MELTF: variants seen among roughly 807,000 people sequenced by gnomAD.
MELTF encodes the protein antigen p97 (melanoma associated) identified by monoclonal antibodies 133.2 and 96.5.
Under a neutral mutation model 83.7 loss-of-function variants are expected in MELTF, and 67 were observed. That is an observed-to-expected ratio of 0.80 (90% CI 0.66 to 0.98). The LOEUF is 0.98. MELTF is among the 50% of genes least tolerant of loss of function. The pLI is 0.00. For missense variants in MELTF, 1,002 were observed against 1,035.6 expected, an observed-to-expected ratio of 0.97 and a Z score of 0.44; for synonymous variants, 462 against 447.6, an observed-to-expected ratio of 1.03 and a Z score of -0.41.
chr3:197,014,827 G>A (rs1310168192), intron 9 of MELTF, among the ~76,000 whole-genome samples: 1 of 152,084 alleles, frequency 6.6e-6, no homozygotes, highest in African/African-American at 2.4e-5. Flanking sequence ...TTGAGATGAT[G>A]GTATGTTAAT....
chr3:197,016,265 G>A lies in MELTF; in HGVS notation c.1005C>T (p.Ile335=), dbSNP rs201502117. The A allele has an allele frequency of 1.9e-6, 3 of 1,613,030 alleles. No individual in the cohort carries two copies. Among genetic ancestry groups the A allele is most frequent in the East Asian group, 2.2e-5 (1 of 44,804 alleles). Residue 335 remains isoleucine (I), a synonymous_variant, in exon 8 of 16, where the codon ATC becomes ATT. Transcript: ENST00000296350. ...FKDSTSELVP[I]ATQTYEAWLG... ...GCCACGCCTCATAGGTCTGTGTGGC[G>A]ATGGGCACAAGCTCCGAGGTAGAGT...
At chr3:197,012,056 G>T (rs1207469599) in intron 9 of MELTF, among the ~76,000 whole-genome samples, 3 of 152,326 alleles carry the variant, frequency 2.0e-5, no homozygotes, top group Admixed American at 6.5e-5. Context: ...TCCGGTGGAG[G>T]TTCCTCTGTC....
chr3:197,021,426 G>C lies in MELTF; in HGVS notation c.690C>G (p.Ser230Arg). ...CACCATCCGTGTTCTCCAGTACCGT[G>C]CTGTGCTTCACAAAAGCCACGTCCC... Reference protein sequence around the residue: ...GAGDVAFVKHSTVLENTDGKT... With the variant: ...GAGDVAFVKHRTVLENTDGKT... Residue 230 changes from serine (S) to arginine (R), a missense_variant, in exon 6 of 16, where the codon AGC becomes AGG. Coordinates refer to ENST00000296350, the MANE Select transcript of MELTF (RefSeq NM_005929.6). The C allele has an allele frequency of 6.2e-7, 1 of 1,614,114 alleles. No homozygotes were observed. Among genetic ancestry groups the C allele is most frequent in the Non-Finnish European group, 8.5e-7 (1 of 1,180,028 alleles).
Position 197,004,035 on chromosome 3 carries a change from C to T in MELTF, c.2003G>A (p.Gly668Asp). 3 of 1,614,170 alleles carry T rather than the reference C, an allele frequency of 1.9e-6. No homozygotes were observed. Among genetic ancestry groups the T allele is most frequent in the East Asian group, 2.2e-5 (1 of 44,880 alleles). ...FKMFDSSNYH[G>D]QDLLFKDATV... ...GGCATCCTTGAAAAGCAGGTCTTGGCCATGATAGTTGGAGGAGTCGAACAT... is the reference window on the plus strand; with the variant it reads ...GGCATCCTTGAAAAGCAGGTCTTGGTCATGATAGTTGGAGGAGTCGAACAT... The change falls in exon 15 of 16, where the codon GGC becomes GAC. Residue 668 changes from glycine (G) to aspartate (D), a missense_variant. Physicochemically the swap from Gly to Asp is moderately conservative, Grantham distance 94. Transcript: ENST00000296350.
In MELTF at chr3:197,008,901, C is replaced by T. The variant is rs375276094; in HGVS notation, c.1590G>A (p.Ser530=). 2.5e-5 allele frequency: 40 copies of T among 1,614,026 alleles called. 1 individual carries two copies. The highest frequency in any genetic ancestry group is 1.3e-4 in the East Asian group (6 of 44,896). The part of the protein sequence containing the change: ...PVNNPKNYPS[S]LCALCVGDEQ... ...CGTCCCCCACGCACAGTGCACACAG[C>T]GAGGAGGGGTAGTTCTTGGGGTTGT... is the stretch of plus-strand genomic sequence containing the variant. The change falls in exon 12 of 16, where the codon TCG becomes TCA. Residue 530 remains serine (S), a synonymous_variant. Transcript: ENST00000296350. This position sits in a 1 kb window ranked among gnomAD's most constrained non-coding sequence, Gnocchi z 5.4.
At position 197,009,760 on chromosome 3, in the gene MELTF, G is replaced by A. The variant is rs150586868; in HGVS notation, c.1383C>T (p.Ser461=). Residue 461 remains serine (S), a synonymous_variant, in exon 11 of 16, where the codon AGC becomes AGT. Coordinates refer to ENST00000296350, the MANE Select transcript of MELTF (RefSeq NM_005929.6). ...GCTCATCCAAGGTGAAGGCGTGGGA[G>A]CTGTCCCGTCTCACCACGGCCACCA... is the stretch of plus-strand genomic sequence containing the variant. ...YYVVAVVRRD[S]SHAFTLDELR... is the part of the protein sequence containing the mutation. The A allele has an allele frequency of 1.0e-4, 161 of 1,613,472 alleles. No individual in the cohort carries two copies. In the African/African-American group the frequency reaches 1.8e-3, roughly 18 times the overall value.
rs991327558 is a variant in MELTF at position 197,029,738 on chromosome 3, T to C, written c.-36A>G. 15 of 1,223,876 alleles carry C rather than the reference T, an allele frequency of 1.2e-5. No homozygotes were observed. In the African/African-American group the frequency reaches 1.6e-4, roughly 13 times the overall value. 75.8% of individuals were successfully genotyped at this position (1,223,876 alleles called of 1,614,324 possible). On this transcript the variant is annotated 5_prime_UTR_variant, in exon 1 of 16. Transcript: ENST00000296350. The surrounding 1 kb of genome is among the most constrained non-coding windows in gnomAD (Gnocchi z 6.5). ...GGGCTGGCTGGGGCCGGGCTGGGGC[T>C]GGGTCCGGGTCCGAGGAGGTCCGCA...
rs113102133 is a variant in MELTF, at chr3:197,009,709, G to A, written c.1434C>T (p.Ala478=). Residue 478 remains alanine, a synonymous_variant, in exon 11 of 16, where the codon GCC becomes GCT. Transcript: ENST00000296350. The part of the protein sequence containing the change: ...DELRGKRSCH[A]GFGSPAGWDV... ...CCCAGCCTGCAGGGCTGCCGAAACC[G>A]GCGTGGCAGGAGCGCTTGCCCCGAA... 2.6e-5 allele frequency: 42 copies of A among 1,613,704 alleles called. No homozygotes were observed. The highest frequency in any genetic ancestry group is 3.3e-4 in the Middle Eastern group (2 of 6,050).
chr3:197,018,935 T>C, intron 6 of MELTF: 4 of 985,162 alleles, frequency 4.1e-6, no homozygotes, highest in Non-Finnish European at 4.8e-6. Flanking sequence ...TTAAGGACTA[T>C]AATTAAACCA....
At chr3:197,027,707 C>G in intron 2 of MELTF, 49 bp downstream of exon 2, 1 of 1,571,046 alleles carries the variant, frequency 6.4e-7, no homozygotes, top group Non-Finnish European at 8.7e-7. Context: ...TGTGCTCCCT[C>G]CTGAGTCACA....
At position 197,029,626 on chromosome 3, in the gene MELTF, G is replaced by A; in HGVS notation, c.49+28C>T. 1 of 1,240,738 alleles carries A rather than the reference G, an allele frequency of 8.1e-7. No individual in the cohort carries two copies. The highest frequency in any genetic ancestry group is 1.0e-6 in the Non-Finnish European group (1 of 992,688). The allele number at this position is 1,240,738 out of a possible 1,614,324, so 76.9% of individuals were successfully genotyped here. On this transcript the variant is annotated intron_variant, in intron 1 of 15. Coordinates refer to ENST00000296350, the MANE Select transcript of MELTF (RefSeq NM_005929.6). The surrounding 1 kb of genome is among the most constrained non-coding windows in gnomAD (Gnocchi z 6.5). Reference sequence around the variant, plus strand: ...CCGCGGCGCCCCGGGACCCCCGCCCGCCTTTGGCTCTCACAGCGGGGCCTC... The same window carrying A: ...CCGCGGCGCCCCGGGACCCCCGCCCACCTTTGGCTCTCACAGCGGGGCCTC...
At chr3:197,023,877 C>T (rs1719733657) in intron 4 of MELTF, 1 of 460,096 alleles carries the variant, frequency 2.2e-6, no homozygotes, top group African/African-American at 2.0e-5. Flanking sequence ...CACTTGGGAG[C>T]TTTCTGGGTG....
rs763081865 is a variant in MELTF, at chr3:197,016,281, G to C, written c.989C>G (p.Ser330Trp). The C allele has an allele frequency of 6.2e-7, 1 of 1,613,284 alleles. No homozygotes were observed. Among genetic ancestry groups the C allele is most frequent in the Non-Finnish European group, 8.5e-7 (1 of 1,179,518 alleles). Residue 330 changes from serine (S) to tryptophan (W), a missense_variant, in exon 8 of 16, where the codon TCG becomes TGG. By Grantham distance (177) the Ser-to-Trp change is radical. Transcript: ENST00000296350. ...CTGTGTGGCGATGGGCACAAGCTCC[G>C]AGGTAGAGTCTTTGAAGAGTAGATC... ...QKDLLFKDSTSELVPIATQTY... is the reference protein window; with the variant it reads ...QKDLLFKDSTWELVPIATQTY...
At chr3:197,019,474 A>C in intron 6 of MELTF, 1 of 1,466,484 alleles carries the variant, frequency 6.8e-7, no homozygotes, top group East Asian at 2.3e-5. Flanking sequence ...TGCCAGGTGC[A>C]CGCCTGTCAT....
At position 197,024,734 on chromosome 3, in the gene MELTF, CT is replaced by C. The variant is rs1406751212; in HGVS notation, c.305-250del. On this transcript the variant is annotated intron_variant, in intron 3 of 15. Coordinates refer to ENST00000296350, the MANE Select transcript of MELTF (RefSeq NM_005929.6). This position sits in a 1 kb window ranked among gnomAD's most constrained non-coding sequence, Gnocchi z 5.3. ...TATTGATGTATTCATTGATTTCCCCCTCTTCCTTCCCCAGCAGCTGGTGCTT... is the reference window on the plus strand; with the variant it reads ...TATTGATGTATTCATTGATTTCCCCCCTTCCTTCCCCAGCAGCTGGTGCTT... Among the ~76,000 whole-genome samples the C allele has an allele frequency of 1.3e-5, 2 of 152,236 alleles. No homozygotes were observed. The highest frequency in any genetic ancestry group is 6.5e-5 in the Admixed American group (1 of 15,288).
chr3:197,003,799 C>A lies in MELTF; in HGVS notation c.2137+102G>T. On this transcript the variant is annotated intron_variant, in intron 15 of 15. Transcript: ENST00000296350. The surrounding 1 kb of genome is among the most constrained non-coding windows in gnomAD (Gnocchi z 6.2). Reference sequence around the variant, plus strand: ...ACCTGGACTGCTGCGAACGGGCCTCCACCCGCCTCCCCGGACCCGCAGCGC... The same window carrying A: ...ACCTGGACTGCTGCGAACGGGCCTCAACCCGCCTCCCCGGACCCGCAGCGC... 7.6e-7 allele frequency: 1 copy of A among 1,309,340 alleles called. No homozygotes were observed. Among genetic ancestry groups the A allele is most frequent in the Non-Finnish European group, 1.1e-6 (1 of 949,568 alleles). 81.1% of individuals were successfully genotyped at this position (1,309,340 alleles called of 1,614,324 possible). A position where few individuals can be genotyped will look rare whatever the true frequency, so the allele number is the denominator to read the frequency against.
rs752253831 is a variant in MELTF at position 197,026,763 on chromosome 3, C to A, written c.205-4G>T. On this transcript the variant is annotated splice_polypyrimidine_tract_variant and splice_region_variant and intron_variant, in intron 2 of 15. Coordinates refer to ENST00000296350, the MANE Select transcript of MELTF (RefSeq NM_005929.6). ...TGATGGCGTCAGCCTCCTGGGCCTG[C>A]AAGGAAATGTGGCTCAGCCAAGCCT... 2.5e-6 allele frequency: 4 copies of A among 1,611,168 alleles called. No individual in the cohort carries two copies. The highest frequency in any genetic ancestry group is 1.7e-4 in the Middle Eastern group (1 of 6,058).
chr3:197,014,239 G>A lies in MELTF; in HGVS notation c.1233+1126C>T, dbSNP rs1436059993. ...ACGGAACTGGGGGACACCGTGTTAT[G>A]TGAAATAAGCCAGGCACAGCAAGTT... On this transcript the variant is annotated intron_variant, in intron 9 of 15. Transcript: ENST00000296350. 2.0e-5 allele frequency among the ~76,000 whole-genome samples: 3 copies of A among 152,164 alleles called. No individual in the cohort carries two copies. The East Asian group carries it at 5.8e-4, about 29-fold the overall frequency.
chr3:197,016,487 G>T, intron 7 of MELTF, 118 bp from the exon 8 acceptor site: 1 of 802,466 alleles, frequency 1.2e-6, no homozygotes, highest in Non-Finnish European at 1.9e-6. Context: ...CCACCCTGAG[G>T]GCCAGGTGAG....
Sources: allele counts gnomAD v4.1 joint callset (sites outside exome capture counted in the v4.1 genomes callset), GRCh38; gene constraint gnomAD v4.1.1; non-coding constraint Gnocchi (gnomAD v3.1); transcripts MANE v1.5; gene names NCBI Gene and HGNC (gene_info 2026-07-23, HGNC 2026-07-21).